DSCAML1: variants seen among roughly 807,000 people sequenced by gnomAD.
DSCAML1 encodes the protein DS cell adhesion molecule like 1, also known as cell adhesion molecule DSCAML1.
A neutral mutation model predicts 200.5 loss-of-function variants in DSCAML1; 38 were observed. The observed-to-expected ratio is 0.19, with a 90% CI of 0.15 to 0.25. DSCAML1 has a LOEUF of 0.25. Among genes scored for constraint, DSCAML1 ranks in the 10% least tolerant of loss-of-function variants. The pLI is 1.00. For synonymous variants in DSCAML1, 1,215 were observed against 1,165.0 expected (o/e 1.04, Z -0.87); for missense variants, 2,223 against 2,858.8 (o/e 0.78, Z 5.07).
Position 117,769,220 on chromosome 11 carries a change from TATTG to T in DSCAML1, c.511+7567_511+7570del, listed in dbSNP as rs372071284. 2.1e-3 allele frequency among the ~76,000 whole-genome samples: 32 copies of T among 14,946 alleles called. 1 individual carries two copies. The South Asian group carries it at 0.045, about 21-fold the overall frequency. The allele number at this position is 14,946 out of a possible 152,430, so 9.8% of individuals were successfully genotyped here. On this transcript the variant is annotated intron_variant, in intron 3 of 32. Transcript: ENST00000651296. Reference sequence around the variant, plus strand: ...TTATATATATTATATATTTTATATATATTGTATATATTATATATTTTATATATGT... The same window carrying T: ...TTATATATATTATATATTTTATATATTATATATTATATATTTTATATATGT...
intron 14 of DSCAML1, among the ~76,000 whole-genome samples, chr11:117,479,642 G>C (rs2048867583): frequency 6.6e-6 from 1 of 152,116 alleles, no homozygotes; most frequent in Non-Finnish European, 1.5e-5. Context: ...GAGGGCTCTG[G>C]GAAGGGCTTT....
At position 117,437,786 on chromosome 11, in the gene DSCAML1, TG is replaced by T; in HGVS notation, c.4432+108del. ...CCTCCCTTCAGTCTCCCTGCATCCCTGGACCCCTCCTTCCCCACCCCAGCCA... is the reference window on the plus strand; with the variant it reads ...CCTCCCTTCAGTCTCCCTGCATCCCTGACCCCTCCTTCCCCACCCCAGCCA... On this transcript the variant is annotated intron_variant, in intron 25 of 32. Transcript: ENST00000651296. The surrounding 1 kb of genome is among the most constrained non-coding windows in gnomAD (Gnocchi z 5.3). 8.2e-7 allele frequency: 1 copy of T among 1,226,580 alleles called. No individual in the cohort carries two copies. The highest frequency in any genetic ancestry group is 1.1e-6 in the Non-Finnish European group (1 of 905,788). The allele number at this position is 1,226,580 out of a possible 1,614,324, so 76.0% of individuals were successfully genotyped here.
At chr11:117,654,719 A>G (rs542386895) in intron 3 of DSCAML1, among the ~76,000 whole-genome samples, 68 of 152,238 alleles carry the variant, frequency 4.5e-4, no homozygotes, top group African/African-American at 1.6e-3. Flanking sequence ...GACCTAAGAG[A>G]TCAATCCAGA....
chr11:117,575,951 C>T (rs79263676), intron 3 of DSCAML1, among the ~76,000 whole-genome samples: 194 of 152,304 alleles, frequency 1.3e-3, no homozygotes, highest in Middle Eastern at 6.8e-3. Flanking sequence ...CCCTTGTCTG[C>T]GCTACAGAAT....
At chr11:117,620,682 GA>G in intron 3 of DSCAML1, among the ~76,000 whole-genome samples, 1 of 152,342 alleles carries the variant, frequency 6.6e-6, no homozygotes, top group Admixed American at 6.5e-5. Context: ...GGCAGCATGG[GA>G]TGCCCTCCCC....
chr11:117,808,211 A>C (rs1007877011), intron 1 of DSCAML1, among the ~76,000 whole-genome samples: 1 of 152,218 alleles, frequency 6.6e-6, no homozygotes, highest in African/African-American at 2.4e-5. Flanking sequence ...AGGCTTCAGA[A>C]AGAGAGTGAC....
At chr11:117,788,367 C>G (rs1230362694) in intron 1 of DSCAML1, among the ~76,000 whole-genome samples, 2 of 152,172 alleles carry the variant, frequency 1.3e-5, no homozygotes, top group Admixed American at 6.5e-5. Flanking sequence ...GGCTCTGTCA[C>G]CCAGGCTGGA....
chr11:117,626,043 G>C (rs1467120978), intron 3 of DSCAML1, among the ~76,000 whole-genome samples: 2 of 152,242 alleles, frequency 1.3e-5, no homozygotes, highest in East Asian at 3.9e-4. Context: ...GCTAGTGCCT[G>C]TGCAGCTGGG....
intron 3 of DSCAML1, among the ~76,000 whole-genome samples, chr11:117,696,558 C>T (rs899525836): frequency 2.0e-5 from 3 of 152,180 alleles, no homozygotes; most frequent in East Asian, 3.8e-4. Flanking sequence ...GGGGAGGCCG[C>T]ACTTCTCTTC....
At chr11:117,569,146 C>T (rs1216222458) in intron 3 of DSCAML1, among the ~76,000 whole-genome samples, 1 of 152,090 alleles carries the variant, frequency 6.6e-6, no homozygotes, top group African/African-American at 2.4e-5. Context: ...ATAAATGGTG[C>T]TGGGAAAACT....
intron 3 of DSCAML1, among the ~76,000 whole-genome samples, chr11:117,706,480 G>A (rs961218129): frequency 6.6e-6 from 1 of 152,160 alleles, no homozygotes; most frequent in African/African-American, 2.4e-5. Context: ...CAGGATTAAG[G>A]GCTGAGAAGG....
At chr11:117,806,306 A>C (rs2055706887) in intron 1 of DSCAML1, among the ~76,000 whole-genome samples, 1 of 152,142 alleles carries the variant, frequency 6.6e-6, no homozygotes, top group Non-Finnish European at 1.5e-5. Flanking sequence ...GGCAGGGAAA[A>C]GGCCTCCCTG....
intron 3 of DSCAML1, among the ~76,000 whole-genome samples, chr11:117,632,662 A>C (rs921534390): frequency 2.0e-5 from 3 of 152,180 alleles, no homozygotes; most frequent in Admixed American, 6.5e-5. Context: ...GTCAGGTCTG[A>C]AATGGGGTTT....
intron 1 of DSCAML1, among the ~76,000 whole-genome samples, chr11:117,813,707 C>T (rs970708628): frequency 1.3e-5 from 2 of 152,136 alleles, no homozygotes; most frequent in Non-Finnish European, 2.9e-5. Context: ...AATATCACCC[C>T]TTACCACAAG....
At chr11:117,574,406 G>C (rs2050897544) in intron 3 of DSCAML1, among the ~76,000 whole-genome samples, 1 of 152,204 alleles carries the variant, frequency 6.6e-6, no homozygotes, top group Non-Finnish European at 1.5e-5. Flanking sequence ...GGTATTAATG[G>C]GGAGCTGAGC....
chr11:117,760,447 T>C (rs1276434872), intron 3 of DSCAML1, among the ~76,000 whole-genome samples: 1 of 152,250 alleles, frequency 6.6e-6, no homozygotes, highest in Non-Finnish European at 1.5e-5. Flanking sequence ...CTGTTTTGCA[T>C]GTTTTCAAAC....
At chr11:117,587,322 GGT>G (rs898802074) in intron 3 of DSCAML1, among the ~76,000 whole-genome samples, 6 of 149,024 alleles carry the variant, frequency 4.0e-5, no homozygotes, top group African/African-American at 1.5e-4. Context: ...GGTGGGAAAA[GGT>G]GAGTGACCTG....
At position 117,504,417 on chromosome 11, in the gene DSCAML1, C is replaced by T. The variant is rs570621475; in HGVS notation, c.2183-396G>A. ...CAGGCAACCAGGCCTGGGAGAGAGG[C>T]CAGCATCCTCCAAGGGGGCCTTGTG... On this transcript the variant is annotated intron_variant, in intron 10 of 32. Transcript: ENST00000651296. The surrounding 1 kb of genome is among the most constrained non-coding windows in gnomAD (Gnocchi z 5.0). Among the ~76,000 whole-genome samples, 7 of 152,300 alleles carry T rather than the reference C, an allele frequency of 4.6e-5. No individual in the cohort carries two copies. Among genetic ancestry groups the T allele is most frequent in the African/African-American group, 1.4e-4 (6 of 41,560 alleles).
intron 3 of DSCAML1, among the ~76,000 whole-genome samples, chr11:117,701,663 T>C (rs1354173550): frequency 6.6e-6 from 1 of 152,194 alleles, no homozygotes; most frequent in Non-Finnish European, 1.5e-5. Context: ...TGGTTATTCC[T>C]GCATCTTCAA....
Sources: gnomAD v4.1 joint callset for allele counts (sites outside exome capture counted in the v4.1 genomes callset) on GRCh38, gnomAD v4.1.1 for gene constraint, Gnocchi (gnomAD v3.1) non-coding constraint, MANE v1.5 for transcripts, NCBI Gene and HGNC (gene_info 2026-07-23, HGNC 2026-07-21) for gene names.